PRR5L: variants seen among roughly 807,000 people sequenced by gnomAD.
PRR5L encodes the protein proline-rich protein 5-like.
PRR5L carries 21 observed loss-of-function variants against 36.4 expected under a neutral mutation model. The observed-to-expected ratio is 0.58, with a 90% CI of 0.41 to 0.83. The LOEUF is 0.83. PRR5L is among the 40% of genes least tolerant of loss of function. The pLI is 0.00. For synonymous variants in PRR5L, 188 were observed against 197.0 expected (o/e 0.95, Z 0.38); for missense variants, 381 against 473.3 (o/e 0.80, Z 1.81).
At position 36,338,251 on chromosome 11, in the gene PRR5L, C is replaced by G. The variant is rs75285117; in HGVS notation, c.-126+41813C>G. On this transcript the variant is annotated intron_variant, in intron 1 of 8. Coordinates refer to ENST00000530639, the MANE Select transcript of PRR5L (RefSeq NM_001160167.2). ...TTTTCAGGTTTCCTTTACTTACTTG[C>G]AGTTCTTAATACTCTATCCCCATTG... 4.6e-5 allele frequency among the ~76,000 whole-genome samples: 7 copies of G among 152,304 alleles called. No individual in the cohort carries two copies. The East Asian group carries it at 1.4e-3, about 29-fold the overall frequency.
intron 1 of PRR5L, among the ~76,000 whole-genome samples, chr11:36,345,570 C>A (rs1856857231): frequency 6.6e-6 from 1 of 152,132 alleles, no homozygotes; most frequent in Non-Finnish European, 1.5e-5. Flanking sequence ...AGTCTGTGAT[C>A]CCCAAAAGAT....
chr11:36,408,297 C>T (rs1857951875), intron 3 of PRR5L, among the ~76,000 whole-genome samples: 1 of 151,526 alleles, frequency 6.6e-6, no homozygotes, highest in South Asian at 2.1e-4. Context: ...AAAAAAAAAT[C>T]CATCAGAAAC....
rs1405886163 is a variant in PRR5L, at chr11:36,444,178, A to T, written c.445-2122A>T. On this transcript the variant is annotated intron_variant, in intron 6 of 8. Transcript: ENST00000530639. ...ACACAGTGTGTTCACACAGTGGTAGAATATTACGCAGCCTTACAAGTGAGG... is the reference window on the plus strand; with the variant it reads ...ACACAGTGTGTTCACACAGTGGTAGTATATTACGCAGCCTTACAAGTGAGG... 2.0e-5 allele frequency among the ~76,000 whole-genome samples: 3 copies of T among 152,222 alleles called. No homozygotes were observed. The East Asian group carries it at 5.8e-4, about 29-fold the overall frequency.
chr11:36,374,082 C>CTTCT (rs1857225355), intron 1 of PRR5L, among the ~76,000 whole-genome samples: 2 of 116,102 alleles, frequency 1.7e-5, no homozygotes, highest in African/African-American at 7.4e-5. Flanking sequence ...TCCTTCCTTC[C>CTTCT]TTCCTTCCTT....
At chr11:36,431,455 CTT>C (rs35379496) in intron 4 of PRR5L, among the ~76,000 whole-genome samples, 71 of 151,174 alleles carry the variant, frequency 4.7e-4, no homozygotes, top group East Asian at 2.0e-3. Flanking sequence ...CTAAATTTAT[CTT>C]TTTTTTTAAA....
At chr11:36,343,739 G>A (rs1426060792) in intron 1 of PRR5L, among the ~76,000 whole-genome samples, 2 of 152,208 alleles carry the variant, frequency 1.3e-5, no homozygotes, top group African/African-American at 4.8e-5. Flanking sequence ...TGTGATTCTC[G>A]CAATGACGCC....
intron 8 of PRR5L, among the ~76,000 whole-genome samples, chr11:36,460,775 C>G (rs1366420556): frequency 4.6e-5 from 7 of 152,248 alleles, no homozygotes; most frequent in Non-Finnish European, 2.9e-5. Flanking sequence ...GTCCCCGCAG[C>G]TGTGCTGTGA....
chr11:36,427,001 C>A (rs1239398135), intron 4 of PRR5L, among the ~76,000 whole-genome samples: 1 of 152,160 alleles, frequency 6.6e-6, no homozygotes, highest in African/African-American at 2.4e-5. Flanking sequence ...CCCACACCAC[C>A]CATGGCCACC....
At chr11:36,355,885 TACAA>T (rs1006367526) in intron 1 of PRR5L, among the ~76,000 whole-genome samples, 4 of 150,892 alleles carry the variant, frequency 2.7e-5, no homozygotes, top group African/African-American at 9.8e-5. Flanking sequence ...CTACTGAATT[TACAA>T]ACAGCCTATT....
chr11:36,347,449 CA>C (rs1441125296), intron 1 of PRR5L, among the ~76,000 whole-genome samples: 1 of 152,018 alleles, frequency 6.6e-6, no homozygotes, highest in Admixed American at 6.6e-5. Flanking sequence ...GGGACAGTCC[CA>C]GTGTTTTTTG....
chr11:36,330,964 C>T (rs1353938370), intron 1 of PRR5L, among the ~76,000 whole-genome samples: 1 of 152,074 alleles, frequency 6.6e-6, no homozygotes, highest in Non-Finnish European at 1.5e-5. Flanking sequence ...CACCACCCTG[C>T]CTGGCTAATT....
At chr11:36,412,771 C>T (rs1194881402) in intron 3 of PRR5L, among the ~76,000 whole-genome samples, 2 of 152,164 alleles carry the variant, frequency 1.3e-5, no homozygotes, top group Admixed American at 6.5e-5. Context: ...AGATGAACCT[C>T]CTGTGCCCTA....
intron 1 of PRR5L, among the ~76,000 whole-genome samples, chr11:36,335,775 C>T (rs1054477037): frequency 3.3e-5 from 5 of 152,174 alleles, no homozygotes; most frequent in South Asian, 2.1e-4. Flanking sequence ...GTGTGACTCA[C>T]GGTTAGCCAA....
chr11:36,414,725 C>A (rs1349038923), intron 3 of PRR5L, among the ~76,000 whole-genome samples: 1 of 147,964 alleles, frequency 6.8e-6, no homozygotes, highest in African/African-American at 2.5e-5. Flanking sequence ...AATTAGATCC[C>A]ATTTGTCAAT....
intron 3 of PRR5L, 45 bp downstream of exon 3, chr11:36,403,423 G>C (rs370437718): frequency 2.8e-5 from 43 of 1,513,774 alleles, no homozygotes; most frequent in Non-Finnish European, 3.8e-5. Context: ...CTATAAACCT[G>C]AGCAGGGGCA....
chr11:36,433,494 G>A (rs868633456), intron 5 of PRR5L, among the ~76,000 whole-genome samples: 1 of 152,262 alleles, frequency 6.6e-6, no homozygotes, highest in South Asian at 2.1e-4. Context: ...CCTCTCATGT[G>A]TCAAAGGAAG....
chr11:36,427,857 A>G (rs778005680), intron 4 of PRR5L, among the ~76,000 whole-genome samples: 18 of 152,164 alleles, frequency 1.2e-4, no homozygotes, highest in Non-Finnish European at 2.5e-4. Context: ...TACTCACCAG[A>G]CTGGTGTGGG....
At chr11:36,334,315 A>AATCAG (rs1565394946) in intron 1 of PRR5L, among the ~76,000 whole-genome samples, 1 of 152,224 alleles carries the variant, frequency 6.6e-6, no homozygotes. Context: ...CTGGTTTTCA[A>AATCAG]AATGTACATC....
intron 1 of PRR5L, among the ~76,000 whole-genome samples, chr11:36,307,825 G>C (rs1449591342): frequency 6.6e-6 from 1 of 152,160 alleles, no homozygotes; most frequent in Non-Finnish European, 1.5e-5. Flanking sequence ...AAAAATAAAA[G>C]TACTCCCCAC....
Sources: allele counts gnomAD v4.1 joint callset (sites outside exome capture counted in the v4.1 genomes callset), GRCh38; gene constraint gnomAD v4.1.1; transcripts MANE v1.5; gene names NCBI Gene and HGNC (gene_info 2026-07-23, HGNC 2026-07-21).